Variants in PTPN13 observed in about 807,000 individuals in gnomAD.
PTPN13 encodes tyrosine-protein phosphatase non-receptor type 13.
In PTPN13, 191 loss-of-function variants were observed where a neutral mutation model predicts 284.0. The observed-to-expected ratio is 0.67, with a 90% CI of 0.60 to 0.76. PTPN13 has a LOEUF of 0.76. Ranked by LOEUF, PTPN13 falls within the 30% of genes least tolerant of loss-of-function variation. PTPN13 has a pLI of 0.00. For missense variants in PTPN13, 2,797 were observed against 2,939.9 expected (o/e 0.95, Z 1.12); for synonymous variants, 986 against 1,022.3 (o/e 0.96, Z 0.68).
At position 86,762,989 on chromosome 4, in the gene PTPN13, A is replaced by C. The variant is rs1412116851; in HGVS notation, c.3816A>C (p.Gln1272His). The C allele has an allele frequency of 6.2e-7, 1 of 1,613,982 alleles. No homozygotes were observed. The highest frequency in any genetic ancestry group is 2.2e-5 in the East Asian group (1 of 44,868). Residue 1272 changes from glutamine (Q) to histidine (H), a missense_variant, in exon 24 of 48, where the codon CAA (glutamine) becomes CAC (histidine). By Grantham distance (24) the Gln-to-His change is conservative. Transcript: ENST00000411767. ...NGFFASHLGD[Q>H]TWQESQHGSP... ...TCTTTGCCAGCCATTTAGGTGACCA[A>C]ACCTGGCAGGAATCACAGCATGGCA...
rs1161030398 is a variant in PTPN13, at chr4:86,772,717, AAACT to A, written c.5169-57_5169-54del. On this transcript the variant is annotated intron_variant, in intron 31 of 47. Transcript: ENST00000411767. The stretch of plus-strand genomic sequence containing the variant: ...GTTAAGTGTTTTCTGTTTCTGGCAC[AAACT>A]AACCATATTGACATTGAAATGTATT... 2.9e-6 allele frequency: 4 copies of A among 1,365,842 alleles called. No homozygotes were observed. In the African/African-American group the frequency reaches 4.4e-5, roughly 15 times the overall value. 84.6% of individuals were successfully genotyped at this position (1,365,842 alleles called of 1,614,324 possible).
intron 16 of PTPN13, among the ~76,000 whole-genome samples, chr4:86,743,411 T>C (rs1320348850): frequency 1.3e-5 from 2 of 152,158 alleles, no homozygotes; most frequent in African/African-American, 2.4e-5. Flanking sequence ...GAGAGAGTTT[T>C]ACAACTATGG....
rs538508890 is a variant in PTPN13 at position 86,776,346 on chromosome 4, T to C, written c.5891+694T>C. ...TCTACCTTAATTTATTTGCTATTTT[T>C]AGTTATTTCCTCCTCCCTGTTATCA... On this transcript the variant is annotated intron_variant, in intron 35 of 47. Coordinates refer to ENST00000411767, the MANE Select transcript of PTPN13 (RefSeq NM_080683.3). Among the ~76,000 whole-genome samples, 16 of 152,328 alleles carry C rather than the reference T, an allele frequency of 1.1e-4. No homozygotes were observed. The East Asian group carries it at 3.1e-3, about 29-fold the overall frequency.
chr4:86,674,185 T>G (rs925209596), intron 3 of PTPN13, among the ~76,000 whole-genome samples: 1 of 152,188 alleles, frequency 6.6e-6, no homozygotes, highest in Non-Finnish European at 1.5e-5. Context: ...GGCATATATA[T>G]TGTGTTTTAT....
At chr4:86,688,915 G>A in intron 4 of PTPN13, 90 bp from the exon 5 acceptor site, 2 of 1,007,160 alleles carry the variant, frequency 2.0e-6, no homozygotes, top group East Asian at 2.5e-5. Flanking sequence ...GTGTTTTAGT[G>A]TGGTTCCTGT....
chr4:86,660,047 C>T (rs756140879), intron 2 of PTPN13, among the ~76,000 whole-genome samples: 3 of 152,004 alleles, frequency 2.0e-5, no homozygotes, highest in Non-Finnish European at 4.4e-5. Context: ...CAAGAAGGAA[C>T]AATAAGCAAA....
intron 1 of PTPN13, among the ~76,000 whole-genome samples, chr4:86,612,375 TAAG>T (rs901308090): frequency 3.3e-5 from 5 of 152,126 alleles, no homozygotes; most frequent in African/African-American, 1.2e-4. Context: ...GTTCAAAAGT[TAAG>T]TAGGAATATA....
At chr4:86,789,598 A>G (rs946225804) in intron 40 of PTPN13, among the ~76,000 whole-genome samples, 1 of 152,172 alleles carries the variant, frequency 6.6e-6, no homozygotes, top group Non-Finnish European at 1.5e-5. Context: ...TCTACTCTCA[A>G]GTTACTGGAT....
chr4:86,622,834 T>C (rs1721408978), intron 1 of PTPN13, among the ~76,000 whole-genome samples: 2 of 152,226 alleles, frequency 1.3e-5, no homozygotes, highest in South Asian at 4.1e-4. Context: ...CCACCGCATA[T>C]ATTCAGTTAC....
chr4:86,677,634 GTT>G (rs1268754143), intron 3 of PTPN13, among the ~76,000 whole-genome samples: 17 of 140,238 alleles, frequency 1.2e-4, no homozygotes, highest in East Asian at 2.1e-4. Flanking sequence ...TCTTGTGTGG[GTT>G]TTTTTTTTTT....
At position 86,785,321 on chromosome 4, in the gene PTPN13, A is replaced by G. The variant is rs767457891; in HGVS notation, c.6209A>G (p.Gln2070Arg). The change falls in exon 39 of 48, where the codon CAG becomes CGG. Residue 2070 changes from glutamine to arginine, a missense_variant. By Grantham distance (43) the Gln-to-Arg change is conservative. Coordinates refer to ENST00000411767, the MANE Select transcript of PTPN13 (RefSeq NM_080683.3). Reference sequence around the variant, plus strand: ...CTGGATGTTGTGGATGAGGAAGCCCAGAATCTTTTAAACGAAAATAATGCA... The same window carrying G: ...CTGGATGTTGTGGATGAGGAAGCCCGGAATCTTTTAAACGAAAATAATGCA... The part of the protein sequence containing the change: ...SLLDVVDEEA[Q>R]NLLNENNAAG... The G allele has an allele frequency of 6.2e-6, 10 of 1,611,580 alleles. No individual in the cohort carries two copies. In the South Asian group the frequency reaches 1.1e-4, roughly 18 times the overall value.
In PTPN13 at chr4:86,635,505, C is replaced by T. The variant is rs182043782; in HGVS notation, c.115+134C>T. On this transcript the variant is annotated intron_variant, in intron 2 of 47. Coordinates refer to ENST00000411767, the MANE Select transcript of PTPN13 (RefSeq NM_080683.3). ...TGGCAGAGTATGAAAGGAATACTTTCCTTATCTCTTTTAGGGCTGAAAAAG... is the reference window on the plus strand; with the variant it reads ...TGGCAGAGTATGAAAGGAATACTTTTCTTATCTCTTTTAGGGCTGAAAAAG... 918 of 1,334,768 alleles carry T rather than the reference C, an allele frequency of 6.9e-4. 3 individuals carry two copies. In the African/African-American group the frequency reaches 0.012, roughly 18 times the overall value. The allele number at this position is 1,334,768 out of a possible 1,614,324, so 82.7% of individuals were successfully genotyped here.
chr4:86,658,813 TA>T (rs908420150), intron 2 of PTPN13, among the ~76,000 whole-genome samples: 5 of 151,848 alleles, frequency 3.3e-5, no homozygotes, highest in South Asian at 2.1e-4. Flanking sequence ...GTCAAAATTT[TA>T]AAAAAAATTC....
At chr4:86,774,600 T>C in intron 33 of PTPN13, 69 bp downstream of exon 33, 4 of 1,408,914 alleles carry the variant, frequency 2.8e-6, no homozygotes, top group Non-Finnish European at 2.9e-6. Flanking sequence ...AAAAGAAGAT[T>C]GAATTATTGT....
At chr4:86,776,135 G>A (rs1740607080) in intron 35 of PTPN13, among the ~76,000 whole-genome samples, 3 of 152,060 alleles carry the variant, frequency 2.0e-5, no homozygotes, top group Admixed American at 1.3e-4. Flanking sequence ...TAATAGAGAC[G>A]GGGTTTCACC....
At chr4:86,757,786 T>TAAAAAAAAAAAA in intron 20 of PTPN13, among the ~76,000 whole-genome samples, 1 of 137,156 alleles carries the variant, frequency 7.3e-6, no homozygotes, top group African/African-American at 2.9e-5. Flanking sequence ...AAATCCAGTT[T>TAAAAAAAAAAAA]CCTCTTGCTA....
chr4:86,676,990 G>A (rs989929302), intron 3 of PTPN13, among the ~76,000 whole-genome samples: 4 of 152,070 alleles, frequency 2.6e-5, no homozygotes, highest in Admixed American at 6.6e-5. Flanking sequence ...CTTAATGGCC[G>A]GGCACGGTGG....
chr4:86,770,124 A>G lies in PTPN13; in HGVS notation c.4728A>G (p.Gly1576=). 6.2e-7 allele frequency: 1 copy of G among 1,613,694 alleles called. No individual in the cohort carries two copies. The highest frequency in any genetic ancestry group is 8.5e-7 in the Non-Finnish European group (1 of 1,179,770). ...SQQEVISALR[G]TAPEVFLLLC... is the part of the protein sequence containing the mutation. ...AGGAAGTCATATCTGCTCTCAGGGG[A>G]ACTGCTCCAGAAGTATTCTTGCTTC... Residue 1576 remains glycine (G), a synonymous_variant, in exon 30 of 48, where the codon GGA becomes GGG. Coordinates refer to ENST00000411767, the MANE Select transcript of PTPN13 (RefSeq NM_080683.3).
intron 6 of PTPN13, among the ~76,000 whole-genome samples, chr4:86,693,961 T>C (rs995659225): frequency 1.3e-5 from 2 of 152,116 alleles, no homozygotes; most frequent in African/African-American, 4.8e-5. Context: ...TTTATCGTGG[T>C]ATTTCATATT....
Sources: allele counts gnomAD v4.1 joint callset (sites outside exome capture counted in the v4.1 genomes callset), GRCh38; gene constraint gnomAD v4.1.1; transcripts MANE v1.5; gene names NCBI Gene and HGNC (gene_info 2026-07-23, HGNC 2026-07-21).